Variants in GNG2 observed in about 807,000 individuals in gnomAD.
The protein encoded by GNG2 is guanine nucleotide-binding protein G(I)/G(S)/G(O) subunit gamma-2.
Under a neutral mutation model 5.5 loss-of-function variants are expected in GNG2, and 5 were observed. The ratio of observed to expected loss-of-function variants is 0.91; its 90% CI spans 0.48 to 1.92. GNG2 has a LOEUF of 1.92. Among genes scored for constraint, GNG2 ranks in the 30% most tolerant of loss-of-function variants. GNG2 has a pLI of 0.01. For missense variants in GNG2, 55 were observed against 88.4 expected (o/e 0.62, Z 1.52); for synonymous variants, 28 against 32.0 (o/e 0.88, Z 0.42).
upstream of GNG2, among the ~76,000 whole-genome samples, chr14:51,856,859 T>C (rs1882184534): frequency 6.6e-6 from 1 of 152,218 alleles, no homozygotes; most frequent in Non-Finnish European, 1.5e-5. Context: ...ATATTCAGAA[T>C]TTTGTGTGCA....
intron 2 of GNG2, among the ~76,000 whole-genome samples, chr14:51,904,995 T>G (rs1007568688): frequency 1.3e-5 from 2 of 152,258 alleles, no homozygotes; most frequent in African/African-American, 2.4e-5. Flanking sequence ...GAAATATATC[T>G]ACACTTAAAA....
Position 51,898,576 on chromosome 14 carries a change from A to G in GNG2, c.-30+20919A>G, listed in dbSNP as rs140291820. Among the ~76,000 whole-genome samples, 1,126 of 152,350 alleles carry G rather than the reference A, an allele frequency of 7.4e-3. 16 individuals carry two copies. The highest frequency in any genetic ancestry group is 8.6e-3 in the Non-Finnish European group (583 of 68,032). ...AAATAACAGCTCCAGCAAAAGCCCA[A>G]TGGAACAAACAAACAGCCACAAAGG... On this transcript the variant is annotated intron_variant, in intron 2 of 3. Transcript: ENST00000556766.
chr14:51,954,452 A>C (rs1889164575), intron 3 of GNG2, among the ~76,000 whole-genome samples: 1 of 152,208 alleles, frequency 6.6e-6, no homozygotes, highest in Non-Finnish European at 1.5e-5. Flanking sequence ...AAGAGGAGGG[A>C]ACATGCACAA....
intron 2 of GNG2, among the ~76,000 whole-genome samples, chr14:51,829,535 T>C (rs1328947458): frequency 6.6e-6 from 1 of 152,142 alleles, no homozygotes; most frequent in Non-Finnish European, 1.5e-5. Flanking sequence ...CAGACCTGCA[T>C]TTGCATAACT....
intron 1 of GNG2, among the ~76,000 whole-genome samples, chr14:51,860,992 G>A (rs1183634694): frequency 1.3e-5 from 2 of 152,082 alleles, no homozygotes; most frequent in Non-Finnish European, 2.9e-5. Context: ...TCAGTGCTTA[G>A]ATTTGATGAC....
chr14:51,926,889 C>T (rs1213328100), intron 2 of GNG2, among the ~76,000 whole-genome samples: 1 of 152,158 alleles, frequency 6.6e-6, no homozygotes, highest in Non-Finnish European at 1.5e-5. Flanking sequence ...GAAAGCCCTA[C>T]AACAATGTTT....
chr14:51,966,962 G>GCCCCCCCCCCCCC lies in GNG2; in HGVS notation c.*285_*286insCCCCCCCCCCCCC, dbSNP rs58532727. On this transcript the variant is annotated 3_prime_UTR_variant, in exon 4 of 4. Transcript: ENST00000556766. ...GTCACTTCTTTTCTGCTATCCCCCA[G>GCCCCCCCCCCCCC]CCCCCCCCCCAAAATCCTCATGTTT... The GCCCCCCCCCCCCC allele has an allele frequency of 3.8e-5, 4 of 106,122 alleles. No individual in the cohort carries two copies. The highest frequency in any genetic ancestry group is 5.5e-5 in the Non-Finnish European group (3 of 54,566). 6.6% of individuals were successfully genotyped at this position (106,122 alleles called of 1,614,324 possible). A position where few individuals can be genotyped will look rare whatever the true frequency, so the allele number is the denominator to read the frequency against.
In GNG2 at chr14:51,886,987, G is replaced by A. The variant is rs1352914527; in HGVS notation, c.-30+9330G>A. On this transcript the variant is annotated intron_variant, in intron 2 of 3. Transcript: ENST00000556766. ...AGGAATGGCAGTATTTCCAAAAAGC[G>A]TAGATAACTTACAAAAACTTGTTTA... Among the ~76,000 whole-genome samples the A allele has an allele frequency of 3.3e-5, 5 of 152,154 alleles. No homozygotes were observed. In the South Asian group the frequency reaches 6.2e-4, roughly 19 times the overall value.
intron 2 of GNG2, among the ~76,000 whole-genome samples, chr14:51,829,987 C>T (rs61970745): frequency 1.3e-5 from 2 of 152,210 alleles, no homozygotes; most frequent in African/African-American, 2.4e-5. Context: ...GGACAACAGG[C>T]GTGCACCACC....
chr14:51,911,867 T>G lies in GNG2; in HGVS notation c.-30+34210T>G, dbSNP rs1273516997. 3.0e-5 allele frequency among the ~76,000 whole-genome samples: 3 copies of G among 99,122 alleles called. 1 individual carries two copies. The East Asian group carries it at 6.7e-4, about 22-fold the overall frequency. The allele number at this position is 99,122 out of a possible 152,430, so 65.0% of individuals were successfully genotyped here. ...CCCATCCTGATAGCCTTTTCTTATG[T>G]TTTTTTTTTTTGTTGTTATTGTTAG... On this transcript the variant is annotated intron_variant, in intron 2 of 3. Coordinates refer to ENST00000556766, the MANE Select transcript of GNG2 (RefSeq NM_053064.5).
intron 2 of GNG2, among the ~76,000 whole-genome samples, chr14:51,842,278 A>T (rs1881503907): frequency 6.6e-6 from 1 of 152,190 alleles, no homozygotes; most frequent in African/African-American, 2.4e-5. Context: ...CTTGAAATAC[A>T]TTTTCTAAAA....
intron 2 of GNG2, among the ~76,000 whole-genome samples, chr14:51,926,988 C>T (rs745663020): frequency 5.3e-5 from 8 of 152,160 alleles, no homozygotes; most frequent in Admixed American, 6.5e-5. Context: ...ATAGTTTTGT[C>T]TGGGATCAAA....
At chr14:51,966,231 A>T (rs2790507) in intron 3 of GNG2, among the ~76,000 whole-genome samples, 1 of 108,576 alleles carries the variant, frequency 9.2e-6, no homozygotes, top group South Asian at 3.0e-4. Context: ...AAAAAAAAAA[A>T]AAAAAACAAA....
At chr14:51,957,797 C>T (rs898633563) in intron 3 of GNG2, among the ~76,000 whole-genome samples, 1 of 152,142 alleles carries the variant, frequency 6.6e-6, no homozygotes, top group African/African-American at 2.4e-5. Context: ...GACCTTGACA[C>T]TTTTGGAGAT....
chr14:51,873,678 A>G (rs1883454771), intron 1 of GNG2, among the ~76,000 whole-genome samples: 1 of 152,240 alleles, frequency 6.6e-6, no homozygotes, highest in Admixed American at 6.5e-5. Flanking sequence ...TCTAAGGTCA[A>G]CCTTGTGGAG....
chr14:51,904,895 CTG>C, intron 2 of GNG2, among the ~76,000 whole-genome samples: 2 of 152,356 alleles, frequency 1.3e-5, no homozygotes, highest in East Asian at 3.8e-4. Flanking sequence ...GTCGCTACGT[CTG>C]CCTGATTGCC....
intron 2 of GNG2, among the ~76,000 whole-genome samples, chr14:51,881,456 C>T (rs375757453): frequency 6.6e-5 from 10 of 152,082 alleles, no homozygotes; most frequent in East Asian, 3.9e-4. Context: ...TGGGTAAAGA[C>T]GCTTGCTGGG....
chr14:51,861,958 A>C (rs1343739), intron 1 of GNG2, among the ~76,000 whole-genome samples: 62,672 of 152,074 alleles, frequency 0.41, 13,860 homozygotes, highest in South Asian at 0.51. Flanking sequence ...ATAGTGGAGT[A>C]AAAATTTAAA....
upstream of GNG2, among the ~76,000 whole-genome samples, chr14:51,859,313 T>G (rs1882309325): frequency 6.6e-6 from 1 of 152,186 alleles, no homozygotes; most frequent in African/African-American, 2.4e-5. Flanking sequence ...TTCCCCAAAG[T>G]ACCTTGTGTT....
Sources: gnomAD v4.1 joint callset for allele counts (sites outside exome capture counted in the v4.1 genomes callset) on GRCh38, gnomAD v4.1.1 for gene constraint, MANE v1.5 for transcripts, NCBI Gene and HGNC (gene_info 2026-07-23, HGNC 2026-07-21) for gene names.